Variants in MPP2 observed in about 807,000 individuals in gnomAD.
The protein encoded by MPP2 is MAGUK p55 scaffold protein 2.
Under a neutral mutation model 58.5 loss-of-function variants are expected in MPP2, and 42 were observed. The observed-to-expected ratio is 0.72, with a 90% CI of 0.56 to 0.93. The LOEUF (loss-of-function observed/expected upper bound fraction) is 0.93. Ranked by LOEUF, MPP2 falls within the 40% of genes least tolerant of loss-of-function variation. The pLI, the probability that MPP2 is intolerant of heterozygous loss-of-function variation, is 0.00. For missense variants in MPP2, 632 were observed against 760.4 expected (o/e 0.83, Z 1.99); for synonymous variants, 300 against 307.8 (o/e 0.97, Z 0.26).
intron 1 of MPP2, chr17:43,907,193 G>T: frequency 1.0e-6 from 1 of 985,524 alleles, no homozygotes; most frequent in South Asian, 4.7e-5. Flanking sequence ...CAGATACCGG[G>T]GCCCCTCACA....
intron 6 of MPP2, 145 bp from the exon 7 acceptor site, chr17:43,881,734 T>G (rs2047133753): frequency 1.8e-6 from 2 of 1,087,408 alleles, no homozygotes; most frequent in Non-Finnish European, 2.6e-6. Flanking sequence ...GGCCTGCCCA[T>G]GCTCCTCCCT....
chr17:43,900,729 T>G (rs1445340770), intron 2 of MPP2: 5 of 1,211,904 alleles, frequency 4.1e-6, no homozygotes, highest in African/African-American at 3.0e-5. Flanking sequence ...AAGCCCTGAC[T>G]GGCGCTGCGC....
At chr17:43,885,692 ACTAC>A (rs1309988811) in intron 3 of MPP2, among the ~76,000 whole-genome samples, 1 of 152,228 alleles carries the variant, frequency 6.6e-6, no homozygotes. Context: ...TACAACTGCT[ACTAC>A]CTATCACAAA....
chr17:43,887,768 T>A (rs528097304), intron 3 of MPP2, among the ~76,000 whole-genome samples: 21 of 150,406 alleles, frequency 1.4e-4, no homozygotes, highest in Non-Finnish European at 2.5e-4. Flanking sequence ...CTCTATTTTT[T>A]AAAATTTTTT....
At chr17:43,903,213 T>C (rs113647018) in intron 2 of MPP2, among the ~76,000 whole-genome samples, 7 of 150,200 alleles carry the variant, frequency 4.7e-5, no homozygotes, top group East Asian at 4.0e-4. Context: ...GAGGTGAAGG[T>C]TGCAGTGAGC....
chr17:43,882,201 A>G, intron 6 of MPP2, 83 bp downstream of exon 6: 1 of 1,290,596 alleles, frequency 7.7e-7, no homozygotes, highest in Non-Finnish European at 1.1e-6. Context: ...CCAGTAGGAG[A>G]GGAGGGCCTC....
intron 3 of MPP2, 43 bp from the exon 4 acceptor site, chr17:43,883,398 G>A (rs769366528): frequency 1.3e-6 from 2 of 1,584,038 alleles, no homozygotes; most frequent in Non-Finnish European, 1.7e-6. Context: ...AGCTTCCCCA[G>A]GAGCCCTGGG....
At chr17:43,878,827 C>T (rs2143509629) in intron 12 of MPP2, among the ~76,000 whole-genome samples, 1 of 152,224 alleles carries the variant, frequency 6.6e-6, no homozygotes, top group East Asian at 1.9e-4. Context: ...TGAAGCCTCT[C>T]CTCCAGGCGC....
chr17:43,881,478 C>T lies in MPP2; in HGVS notation c.793G>A (p.Asp265Asn). The T allele has an allele frequency of 6.2e-7, 1 of 1,614,188 alleles. No individual in the cohort carries two copies. The highest frequency in any genetic ancestry group is 8.5e-7 in the Non-Finnish European group (1 of 1,180,016). The change falls in exon 7 of 13, where the codon GAT becomes AAT. Residue 265 changes from aspartate to asparagine, a missense_variant. Coordinates refer to ENST00000269095, the MANE Select transcript of MPP2 (RefSeq NM_005374.5). ...CTCACCTGCCACCAGTTGGCATCATCCTGGTTTACGATCTGGAGCAAGTCC... is the reference window on the plus strand; with the variant it reads ...CTCACCTGCCACCAGTTGGCATCATTCTGGTTTACGATCTGGAGCAAGTCC... The part of the protein sequence containing the change: ...AGDLLQIVNQ[D>N]DANWWQACHV...
In MPP2 at chr17:43,880,371, C is replaced by T. The variant is rs984730517; in HGVS notation, c.1150+320G>A. Among the ~76,000 whole-genome samples the T allele has an allele frequency of 6.6e-6, 1 of 152,218 alleles. No individual in the cohort carries two copies. Among genetic ancestry groups the T allele is most frequent in the Non-Finnish European group, 1.5e-5 (1 of 68,036 alleles). ...AAGCCCTGTCTTCCACAAGGCTACA[C>T]ACATGCAGCTCGTAGCCTGTTTCAC... On this transcript the variant is annotated intron_variant, in intron 10 of 12. Transcript: ENST00000269095. The surrounding 1 kb of genome is among the most constrained non-coding windows in gnomAD (Gnocchi z 5.2).
At position 43,889,233 on chromosome 17, in the gene MPP2, G is replaced by C. The variant is rs80281901; in HGVS notation, c.151-5878C>G. Among the ~76,000 whole-genome samples, 417 of 151,468 alleles carry C rather than the reference G, an allele frequency of 2.8e-3. 1 individual carries two copies. The highest frequency in any genetic ancestry group is 9.4e-3 in the African/African-American group (389 of 41,272). ...GAGCCACCACACCTGGCCTAAATTA[G>C]ATTTTTTAAATGATATAACAAGGAT... is the stretch of plus-strand genomic sequence containing the variant. On this transcript the variant is annotated intron_variant, in intron 3 of 12. Transcript: ENST00000269095.
chr17:43,883,189 TAGCAGCCAGGAACCTGGAAGTGG>T lies in MPP2; in HGVS notation c.294_303+13del, dbSNP rs1376730631. ...ACCTCCTGCTCCCTCACCCCAGCCC[TAGCAGCCAGGAACCTGGAAGTGG>T]GGCTCCTGGAGGATGTGGGCCAGCT... On this transcript the variant is annotated splice_donor_variant and splice_donor_5th_base_variant and coding_sequence_variant and intron_variant, in exon 4 of 13. Coordinates refer to ENST00000269095, the MANE Select transcript of MPP2 (RefSeq NM_005374.5). LOFTEE classifies it high-confidence loss of function. 3.8e-6 allele frequency: 6 copies of T among 1,596,146 alleles called. No homozygotes were observed. In the Admixed American group the frequency reaches 1.0e-4, roughly 27 times the overall value.
At position 43,898,260 on chromosome 17, in the gene MPP2, A is replaced by T; in HGVS notation, c.150+2T>A. On this transcript the variant is annotated splice_donor_variant, in intron 3 of 12. Transcript: ENST00000269095. LOFTEE classifies it high-confidence loss of function. ...TGTGCCCACCTCCCTGGAGCACTGT[A>T]CCTTGGCCAGGGATCTTACTATGGG... The T allele has an allele frequency of 6.2e-7, 1 of 1,610,996 alleles. No individual in the cohort carries two copies. Among genetic ancestry groups the T allele is most frequent in the South Asian group, 1.1e-5 (1 of 91,026 alleles).
chr17:43,907,870 C>T (rs981478440), upstream of MPP2: 10 of 985,318 alleles, frequency 1.0e-5, no homozygotes, highest in African/African-American at 1.7e-4. Flanking sequence ...CCCATCTTGG[C>T]TTAGACCGGC....
chr17:43,879,162 G>C lies in MPP2; in HGVS notation c.1482+113C>G, dbSNP rs576436211. On this transcript the variant is annotated intron_variant, in intron 12 of 12. Coordinates refer to ENST00000269095, the MANE Select transcript of MPP2 (RefSeq NM_005374.5). The surrounding 1 kb of genome is among the most constrained non-coding windows in gnomAD (Gnocchi z 4.1). ...CCACGTCCTGCCTCACTGATAACTG[G>C]AGCAGGCCCCTGTCCCTCCCCAACA... The C allele has an allele frequency of 6.8e-5, 89 of 1,317,254 alleles. No individual in the cohort carries two copies. The South Asian group carries it at 1.2e-3, about 18-fold the overall frequency. 81.6% of individuals were successfully genotyped at this position (1,317,254 alleles called of 1,614,324 possible). A position where few individuals can be genotyped will look rare whatever the true frequency, so the allele number is the denominator to read the frequency against.
In MPP2 at chr17:43,879,245, G is replaced by A. The variant is rs755186021; in HGVS notation, c.1482+30C>T. Reference sequence around the variant, plus strand: ...CCCCCACCACCCTAGGCAGCTATCAGACCCCTCCCCCACACCTCAGAGCCC... The same window carrying A: ...CCCCCACCACCCTAGGCAGCTATCAAACCCCTCCCCCACACCTCAGAGCCC... On this transcript the variant is annotated intron_variant, in intron 12 of 12. Transcript: ENST00000269095. This position sits in a 1 kb window ranked among gnomAD's most constrained non-coding sequence, Gnocchi z 4.1. 1.3e-6 allele frequency: 2 copies of A among 1,593,666 alleles called. No individual in the cohort carries two copies. The highest frequency in any genetic ancestry group is 1.7e-5 in the Admixed American group (1 of 59,182).
intron 3 of MPP2, among the ~76,000 whole-genome samples, chr17:43,886,298 T>C (rs1004261914): frequency 9.2e-5 from 14 of 151,800 alleles, no homozygotes; most frequent in African/African-American, 3.4e-4. Flanking sequence ...ATTGTTAGTT[T>C]GTTTGAGACA....
chr17:43,909,308 T>C (rs970272023), upstream of MPP2, among the ~76,000 whole-genome samples: 2 of 152,182 alleles, frequency 1.3e-5, no homozygotes, highest in South Asian at 2.1e-4. Context: ...TCAGGTGATC[T>C]GCCCACCTCA....
chr17:43,908,638 A>G (rs2048371289), upstream of MPP2, among the ~76,000 whole-genome samples: 1 of 152,200 alleles, frequency 6.6e-6, no homozygotes, highest in Non-Finnish European at 1.5e-5. Context: ...CTACTTGGGA[A>G]GCTGAGGCTG....
Sources: allele counts gnomAD v4.1 joint callset (sites outside exome capture counted in the v4.1 genomes callset), GRCh38; gene constraint gnomAD v4.1.1; non-coding constraint Gnocchi (gnomAD v3.1); transcripts MANE v1.5; gene names NCBI Gene and HGNC (gene_info 2026-07-23, HGNC 2026-07-21).